MTSS1: variants seen among roughly 807,000 people sequenced by gnomAD.
MTSS1 encodes protein MTSS 1.
A neutral mutation model predicts 79.0 loss-of-function variants in MTSS1; 18 were observed. That is an observed-to-expected ratio of 0.23 (90% CI 0.16 to 0.34). The LOEUF (loss-of-function observed/expected upper bound fraction) is 0.34. Among genes scored for constraint, MTSS1 ranks in the 10% least tolerant of loss-of-function variants. MTSS1 has a pLI of 1.00. For missense variants in MTSS1, 815 were observed against 986.2 expected (o/e 0.83, Z 2.33); for synonymous variants, 341 against 368.6 (o/e 0.93, Z 0.86).
At chr8:124,592,139 C>A (rs1052207557) in intron 3 of MTSS1, among the ~76,000 whole-genome samples, 1 of 152,122 alleles carries the variant, frequency 6.6e-6, no homozygotes, top group Non-Finnish European at 1.5e-5. Context: ...TCAAGCTCAG[C>A]AAATAATGAA....
chr8:124,666,504 AC>A (rs1823113758), intron 3 of MTSS1, among the ~76,000 whole-genome samples: 1 of 152,238 alleles, frequency 6.6e-6, no homozygotes, highest in Non-Finnish European at 1.5e-5. Context: ...ACAAGCCACG[AC>A]AAAGAGGCTT....
chr8:124,707,128 T>C (rs1475977043), intron 1 of MTSS1, among the ~76,000 whole-genome samples: 1 of 152,132 alleles, frequency 6.6e-6, no homozygotes, highest in Non-Finnish European at 1.5e-5. Context: ...TAGGCAAAGG[T>C]GCCACCATCT....
At chr8:124,719,171 C>G (rs573680079) in intron 1 of MTSS1, among the ~76,000 whole-genome samples, 2 of 152,326 alleles carry the variant, frequency 1.3e-5, no homozygotes, top group African/African-American at 4.8e-5. Flanking sequence ...ATGCTTCTCA[C>G]TAGCTGTATG....
intron 2 of MTSS1, among the ~76,000 whole-genome samples, chr8:124,700,068 G>C (rs958475092): frequency 2.0e-5 from 3 of 152,032 alleles, no homozygotes; most frequent in African/African-American, 7.3e-5. Flanking sequence ...GAGACCAGGA[G>C]GCAGAGGTTG....
intron 1 of MTSS1, among the ~76,000 whole-genome samples, chr8:124,711,621 C>T (rs1831178799): frequency 6.6e-6 from 1 of 152,100 alleles, no homozygotes; most frequent in Non-Finnish European, 1.5e-5. Context: ...ACAAGGGTGC[C>T]CTGCACACAT....
At chr8:124,596,577 A>C (rs7835359) in intron 3 of MTSS1, among the ~76,000 whole-genome samples, 36,678 of 152,128 alleles carry the variant, frequency 0.24, 6,557 homozygotes, top group African/African-American at 0.5. Flanking sequence ...AAGACACACG[A>C]TCCACAAGCG....
intron 3 of MTSS1, among the ~76,000 whole-genome samples, chr8:124,635,881 G>A (rs6992199): frequency 0.18 from 27,732 of 151,752 alleles, 2,818 homozygotes; most frequent in African/African-American, 0.28. Context: ...AAGCCTACCT[G>A]CCTCAATATT....
chr8:124,665,559 T>G (rs1174006812), intron 3 of MTSS1, among the ~76,000 whole-genome samples: 1 of 151,582 alleles, frequency 6.6e-6, no homozygotes, highest in African/African-American at 2.4e-5. Context: ...TCAGACAGCC[T>G]AGCTATAAAA....
In MTSS1 at chr8:124,597,551, C is replaced by T. The variant is rs149011156; in HGVS notation, c.209-6316G>A. 1.1e-3 allele frequency among the ~76,000 whole-genome samples: 166 copies of T among 152,318 alleles called. 1 individual carries two copies. Among genetic ancestry groups the T allele is most frequent in the African/African-American group, 3.6e-3 (150 of 41,564 alleles). On this transcript the variant is annotated intron_variant, in intron 3 of 13. Coordinates refer to ENST00000518547, the MANE Select transcript of MTSS1 (RefSeq NM_014751.6). The surrounding 1 kb of genome is among the most constrained non-coding windows in gnomAD (Gnocchi z 4.6). ...GCGACAGGCAGGACGGTGGGTCCTTCGAGTGGCATTGTCCTGTCCCTCCAA... is the reference window on the plus strand; with the variant it reads ...GCGACAGGCAGGACGGTGGGTCCTTTGAGTGGCATTGTCCTGTCCCTCCAA...
At chr8:124,722,155 G>A (rs907546311) in intron 1 of MTSS1, among the ~76,000 whole-genome samples, 11 of 151,902 alleles carry the variant, frequency 7.2e-5, no homozygotes, top group African/African-American at 1.7e-4. Flanking sequence ...CATTAGACAG[G>A]AAAAGAAAAA....
At chr8:124,661,619 A>C (rs1202603650) in intron 3 of MTSS1, among the ~76,000 whole-genome samples, 2 of 152,202 alleles carry the variant, frequency 1.3e-5, no homozygotes, top group East Asian at 3.9e-4. Flanking sequence ...AGAGGCACGA[A>C]GCAGAGCCTC....
At chr8:124,689,560 A>G (rs1827587413) in intron 3 of MTSS1, among the ~76,000 whole-genome samples, 1 of 152,026 alleles carries the variant, frequency 6.6e-6, no homozygotes, top group Non-Finnish European at 1.5e-5. Context: ...AGCCTGACCA[A>G]CATGGAGAAA....
At chr8:124,614,446 GAC>G (rs897744524) in intron 3 of MTSS1, among the ~76,000 whole-genome samples, 31 of 152,302 alleles carry the variant, frequency 2.0e-4, no homozygotes, top group Admixed American at 3.9e-4. Context: ...GGAGACAGGG[GAC>G]ACTCACCTTT....
At chr8:124,564,518 C>G (rs201924745) in intron 9 of MTSS1, among the ~76,000 whole-genome samples, 1 of 152,012 alleles carries the variant, frequency 6.6e-6, no homozygotes, top group African/African-American at 2.4e-5. Flanking sequence ...AGTTGGGGAC[C>G]GACAGTAAAG....
At chr8:124,665,228 TG>T (rs1324331229) in intron 3 of MTSS1, among the ~76,000 whole-genome samples, 2 of 152,250 alleles carry the variant, frequency 1.3e-5, no homozygotes, top group East Asian at 3.8e-4. Context: ...AGTCCTGCTG[TG>T]TCCAAGACAT....
intron 6 of MTSS1, among the ~76,000 whole-genome samples, chr8:124,575,613 G>A (rs565551786): frequency 1.3e-5 from 2 of 152,068 alleles, no homozygotes; most frequent in Non-Finnish European, 2.9e-5. Context: ...TTTAAAGAGA[G>A]CTTTCAGTTC....
intron 3 of MTSS1, among the ~76,000 whole-genome samples, chr8:124,694,598 A>G (rs1828497046): frequency 1.3e-5 from 2 of 152,238 alleles, no homozygotes; most frequent in South Asian, 4.2e-4. Flanking sequence ...CATGTGTATT[A>G]AGTCTTTTTG....
intron 1 of MTSS1, among the ~76,000 whole-genome samples, chr8:124,716,453 C>T (rs1249281043): frequency 6.6e-6 from 1 of 152,228 alleles, no homozygotes; most frequent in Non-Finnish European, 1.5e-5. Flanking sequence ...TCCCTACATA[C>T]TTCAAGAGCT....
intron 3 of MTSS1, among the ~76,000 whole-genome samples, chr8:124,655,290 C>T (rs553730950): frequency 6.6e-6 from 1 of 152,278 alleles, no homozygotes; most frequent in South Asian, 2.1e-4. Flanking sequence ...GCAAATAACT[C>T]TAAGAAACAA....
Sources: gnomAD v4.1 joint callset for allele counts (sites outside exome capture counted in the v4.1 genomes callset) on GRCh38, gnomAD v4.1.1 for gene constraint, Gnocchi (gnomAD v3.1) non-coding constraint, MANE v1.5 for transcripts, NCBI Gene and HGNC (gene_info 2026-07-23, HGNC 2026-07-21) for gene names.